Variants in ADAMTS3 observed in about 807,000 individuals in gnomAD.
ADAMTS3 encodes A disintegrin and metalloproteinase with thrombospondin motifs 3.
ADAMTS3 carries 73 observed loss-of-function variants against 129.0 expected under a neutral mutation model. The observed-to-expected ratio is 0.57, with a 90% confidence interval of 0.47 to 0.69. The LOEUF is 0.69. ADAMTS3 is among the 30% of genes least tolerant of loss of function. The pLI is 0.00. For synonymous variants in ADAMTS3, 477 were observed against 510.8 expected (o/e 0.93, Z 0.89); for missense variants, 1,457 against 1,514.5 (o/e 0.96, Z 0.63).
intron 5 of ADAMTS3, 151 bp from the exon 6 acceptor site, chr4:72,323,248 A>C: frequency 7.8e-6 from 5 of 643,854 alleles, no homozygotes; most frequent in Non-Finnish European, 1.1e-5. Context: ...GTAGTCATTT[A>C]CTTTTAGCTT....
chr4:72,393,772 C>T (rs564897647), intron 4 of ADAMTS3, among the ~76,000 whole-genome samples: 1 of 152,114 alleles, frequency 6.6e-6, no homozygotes, highest in Non-Finnish European at 1.5e-5. Flanking sequence ...GTAATGTCTG[C>T]TGGATTAATG....
intron 2 of ADAMTS3, among the ~76,000 whole-genome samples, chr4:72,550,019 G>T: frequency 8.3e-4 from 1 of 1,200 alleles, no homozygotes; most frequent in Middle Eastern, 0.5. Flanking sequence ...AGAAGAAGAA[G>T]AAGAAGAAGA....
chr4:72,513,529 G>T (rs1720371485), intron 3 of ADAMTS3, among the ~76,000 whole-genome samples: 1 of 152,096 alleles, frequency 6.6e-6, no homozygotes, highest in African/African-American at 2.4e-5. Flanking sequence ...CTGATCAGAA[G>T]ACTCTTGTTT....
chr4:72,549,967 AGAAGAAGAAGAAGAAG>A (rs1721573469), intron 2 of ADAMTS3, among the ~76,000 whole-genome samples: 1 of 65,020 alleles, frequency 1.5e-5, no homozygotes, highest in East Asian at 6.5e-4. Flanking sequence ...AAAAAAAAGA[AGAAGAAGAAGAAGAAG>A]AAGAAGAAGA....
intron 5 of ADAMTS3, among the ~76,000 whole-genome samples, chr4:72,332,660 T>TA (rs1237943427): frequency 6.6e-6 from 1 of 151,982 alleles, no homozygotes; most frequent in Non-Finnish European, 1.5e-5. Flanking sequence ...TCTTAGCAAA[T>TA]AAAAAAAGAT....
intron 3 of ADAMTS3, among the ~76,000 whole-genome samples, chr4:72,466,720 C>G (rs1718930050): frequency 6.6e-6 from 1 of 152,006 alleles, no homozygotes; most frequent in South Asian, 2.1e-4. Flanking sequence ...TACCCTTGAC[C>G]ATCTTCTCTT....
intron 15 of ADAMTS3, among the ~76,000 whole-genome samples, chr4:72,306,324 C>T (rs1256628052): frequency 3.3e-5 from 5 of 151,886 alleles, no homozygotes; most frequent in African/African-American, 4.8e-5. Flanking sequence ...ACTTATCTTG[C>T]GTTGACCTTC....
chr4:72,356,106 A>G (rs1720575966), intron 4 of ADAMTS3, among the ~76,000 whole-genome samples: 1 of 152,098 alleles, frequency 6.6e-6, no homozygotes, highest in African/African-American at 2.4e-5. Context: ...AGTGATCAAT[A>G]AATATTTGTT....
chr4:72,319,763 G>A, intron 8 of ADAMTS3, 95 bp downstream of exon 8: 1 of 1,032,060 alleles, frequency 9.7e-7, no homozygotes, highest in Non-Finnish European at 1.5e-6. Context: ...AGAATTGTAT[G>A]CTGGCATGCA....
At position 72,298,447 on chromosome 4, in the gene ADAMTS3, C is replaced by G; in HGVS notation, c.2425-5G>C. Reference sequence around the variant, plus strand: ...ATCATTTTCTTGAGGTATAATCTAACATACACATGAAATCAATATGTAAAT... The same window carrying G: ...ATCATTTTCTTGAGGTATAATCTAAGATACACATGAAATCAATATGTAAAT... On this transcript the variant is annotated splice_region_variant and splice_polypyrimidine_tract_variant and intron_variant, in intron 17 of 21. Transcript: ENST00000286657. The G allele has an allele frequency of 6.3e-7, 1 of 1,578,524 alleles. No individual in the cohort carries two copies. The highest frequency in any genetic ancestry group is 2.2e-5 in the East Asian group (1 of 44,512).
chr4:72,512,512 A>G (rs933091141), intron 3 of ADAMTS3, among the ~76,000 whole-genome samples: 1 of 152,208 alleles, frequency 6.6e-6, no homozygotes, highest in African/African-American at 2.4e-5. Context: ...GAATAAATAA[A>G]TAAATAAGAC....
At chr4:72,392,185 A>C (rs1182083444) in intron 4 of ADAMTS3, among the ~76,000 whole-genome samples, 1 of 152,140 alleles carries the variant, frequency 6.6e-6, no homozygotes, top group Non-Finnish European at 1.5e-5. Context: ...TGACTCCTGG[A>C]GACCAGGGCC....
At chr4:72,284,805 A>T (rs1427441702) in intron 21 of ADAMTS3, among the ~76,000 whole-genome samples, 2 of 152,326 alleles carry the variant, frequency 1.3e-5, no homozygotes, top group Non-Finnish European at 1.5e-5. Context: ...CCAGGTTACA[A>T]GAATTGGATT....
At chr4:72,312,256 C>T in intron 13 of ADAMTS3, 35 bp downstream of exon 13, 3 of 1,608,742 alleles carry the variant, frequency 1.9e-6, no homozygotes, top group Non-Finnish European at 2.6e-6. Flanking sequence ...GAGTAACCAT[C>T]CACACAGCAG....
intron 18 of ADAMTS3, 50 bp from the exon 19 acceptor site, chr4:72,295,836 T>C (rs749208545): frequency 1.9e-6 from 3 of 1,583,096 alleles, no homozygotes; most frequent in Middle Eastern, 1.7e-4. Context: ...TTCATGCTGA[T>C]AGTTACTTGA....
intron 2 of ADAMTS3, among the ~76,000 whole-genome samples, chr4:72,553,877 G>C (rs1243818236): frequency 6.6e-6 from 1 of 152,094 alleles, no homozygotes; most frequent in Non-Finnish European, 1.5e-5. Context: ...TTCTGTAAAA[G>C]ATATTTTCTT....
chr4:72,553,036 T>G (rs1482952615), intron 2 of ADAMTS3, among the ~76,000 whole-genome samples: 4 of 124,482 alleles, frequency 3.2e-5, no homozygotes, highest in African/African-American at 1.3e-4. Flanking sequence ...TAAATATCCA[T>G]GAATGAAGAA....
intron 3 of ADAMTS3, among the ~76,000 whole-genome samples, chr4:72,547,659 G>C (rs1306926027): frequency 6.6e-6 from 1 of 152,044 alleles, no homozygotes; most frequent in Admixed American, 6.6e-5. Flanking sequence ...TACCAGACTA[G>C]TATTTTAGTA....
chr4:72,411,743 C>G (rs997560005), intron 4 of ADAMTS3, among the ~76,000 whole-genome samples: 1 of 152,038 alleles, frequency 6.6e-6, no homozygotes, highest in African/African-American at 2.4e-5. Flanking sequence ...CTTTATCAAG[C>G]CTATTTCTGT....
Sources: allele counts gnomAD v4.1 joint callset (sites outside exome capture counted in the v4.1 genomes callset), GRCh38; gene constraint gnomAD v4.1.1; transcripts MANE v1.5; gene names NCBI Gene and HGNC (gene_info 2026-07-23, HGNC 2026-07-21).